AGBL4: variants seen among roughly 807,000 people sequenced by gnomAD.
The protein encoded by AGBL4 is cytosolic carboxypeptidase 6.
Under a neutral mutation model 66.4 loss-of-function variants are expected in AGBL4, and 58 were observed. The observed-to-expected ratio is 0.87, with a 90% CI of 0.71 to 1.09. The LOEUF is 1.09. Ranked by LOEUF, AGBL4 falls within the 50% of genes least tolerant of loss-of-function variation. AGBL4 has a pLI of 0.00. For synonymous variants in AGBL4, 234 were observed against 222.9 expected, an observed-to-expected ratio of 1.05 and a Z score of -0.44; for missense variants, 579 against 631.0, an observed-to-expected ratio of 0.92 and a Z score of 0.88.
intron 4 of AGBL4, among the ~76,000 whole-genome samples, chr1:49,169,706 C>T (rs1431120413): frequency 6.6e-6 from 1 of 152,140 alleles, no homozygotes; most frequent in East Asian, 1.9e-4. Context: ...CGGGCACCAT[C>T]TGCCTTACTA....
intron 4 of AGBL4, among the ~76,000 whole-genome samples, chr1:49,207,799 G>A (rs1648358860): frequency 6.6e-6 from 1 of 150,660 alleles, no homozygotes; most frequent in Non-Finnish European, 1.5e-5. Context: ...TGTTGCCCAG[G>A]CTAGTTTTAA....
At position 49,045,783 on chromosome 1, in the gene AGBL4, T is replaced by C; in HGVS notation, c.395A>G (p.Lys132Arg). 1.3e-6 allele frequency: 2 copies of C among 1,551,346 alleles called. No homozygotes were observed. Among genetic ancestry groups the C allele is most frequent in the South Asian group, 1.2e-5 (1 of 84,022 alleles). ...SRPKWQRLPP[K>R]NVYYYRCPDH... The stretch of plus-strand genomic sequence containing the variant: ...CGGGCAGCGGTAGTAGTAAACATTT[T>C]TGGGTGGCAGCCTTTGCCTAAAATA... Residue 132 changes from lysine (K) to arginine (R), a missense_variant, in exon 5 of 14, where the codon AAA becomes AGA. Transcript: ENST00000371839.
intron 6 of AGBL4, among the ~76,000 whole-genome samples, chr1:48,722,864 G>A (rs1647174150): frequency 6.6e-6 from 1 of 152,194 alleles, no homozygotes. Flanking sequence ...GAGCAACCAG[G>A]ATGGTCACAG....
chr1:49,933,039 T>G (rs1418958910), intron 1 of AGBL4, among the ~76,000 whole-genome samples: 1 of 152,104 alleles, frequency 6.6e-6, no homozygotes, highest in Non-Finnish European at 1.5e-5. Flanking sequence ...ACAAATCTTC[T>G]GAGGGAAATG....
At chr1:48,845,777 C>T (rs1266947401) in intron 6 of AGBL4, among the ~76,000 whole-genome samples, 2 of 152,200 alleles carry the variant, frequency 1.3e-5, no homozygotes, top group East Asian at 3.8e-4. Flanking sequence ...ACCTTTGCTA[C>T]AGGCCATGAA....
intron 5 of AGBL4, among the ~76,000 whole-genome samples, chr1:48,944,659 C>T (rs1422321657): frequency 2.0e-5 from 3 of 152,178 alleles, no homozygotes; most frequent in Non-Finnish European, 2.9e-5. Flanking sequence ...CTTCCTCAGC[C>T]TGTGTTTTCT....
intron 3 of AGBL4, among the ~76,000 whole-genome samples, chr1:49,303,500 T>C (rs1410921960): frequency 7.0e-6 from 1 of 142,180 alleles, no homozygotes; most frequent in African/African-American, 2.9e-5. Context: ...TCACCCAGGC[T>C]GGAGTGCAGT....
chr1:49,166,419 G>A (rs772662112), intron 4 of AGBL4, among the ~76,000 whole-genome samples: 25 of 152,062 alleles, frequency 1.6e-4, no homozygotes, highest in Non-Finnish European at 3.2e-4. Flanking sequence ...AAGTCTATCT[G>A]CCTACCTTTC....
chr1:48,858,462 G>A (rs575319039), intron 6 of AGBL4, among the ~76,000 whole-genome samples: 1 of 152,284 alleles, frequency 6.6e-6, no homozygotes, highest in South Asian at 2.1e-4. Context: ...AAAATAAATT[G>A]TGGTGTATCT....
At chr1:49,190,454 A>C (rs1383113104) in intron 4 of AGBL4, among the ~76,000 whole-genome samples, 4 of 152,162 alleles carry the variant, frequency 2.6e-5, no homozygotes, top group Non-Finnish European at 4.4e-5. Flanking sequence ...TTTGGAAATA[A>C]GTTATTGGTT....
intron 3 of AGBL4, among the ~76,000 whole-genome samples, chr1:49,297,987 G>A (rs909103478): frequency 5.9e-5 from 9 of 152,174 alleles, no homozygotes; most frequent in Non-Finnish European, 1.2e-4. Context: ...TTCCGGCCAG[G>A]AGGCTGCTGT....
intron 1 of AGBL4, among the ~76,000 whole-genome samples, chr1:49,903,390 T>A (rs375767735): frequency 1.3e-5 from 2 of 151,966 alleles, no homozygotes; most frequent in African/African-American, 4.8e-5. Flanking sequence ...TCAGAAAAAA[T>A]ACCTATTGGG....
At chr1:49,075,718 T>G (rs1338663561) in intron 4 of AGBL4, among the ~76,000 whole-genome samples, 2 of 152,218 alleles carry the variant, frequency 1.3e-5, no homozygotes, top group African/African-American at 4.8e-5. Flanking sequence ...CTGTGTTTCC[T>G]CAGGCAGGCT....
At chr1:49,622,769 C>T (rs955107183) in intron 3 of AGBL4, among the ~76,000 whole-genome samples, 1 of 151,584 alleles carries the variant, frequency 6.6e-6, no homozygotes, top group African/African-American at 2.4e-5. Flanking sequence ...TCAGAAAATG[C>T]GAGCCATCAT....
At chr1:49,177,681 T>C (rs1204091434) in intron 4 of AGBL4, among the ~76,000 whole-genome samples, 3 of 152,128 alleles carry the variant, frequency 2.0e-5, no homozygotes, top group East Asian at 3.9e-4. Flanking sequence ...ACTATTAAGA[T>C]TATTAAGGCC....
At chr1:48,863,949 T>TA (rs1409965493) in intron 6 of AGBL4, among the ~76,000 whole-genome samples, 3 of 151,902 alleles carry the variant, frequency 2.0e-5, no homozygotes, top group Admixed American at 1.3e-4. Flanking sequence ...TTCAACTACA[T>TA]AAAAAAATTT....
At chr1:49,371,737 C>T (rs1644349437) in intron 3 of AGBL4, among the ~76,000 whole-genome samples, 1 of 151,658 alleles carries the variant, frequency 6.6e-6, no homozygotes, top group Admixed American at 6.6e-5. Context: ...GACTGCAGAA[C>T]TTCGATTTCA....
rs554928769 is a variant in AGBL4, at chr1:49,308,797, GT to G, written c.283-62934del. Among the ~76,000 whole-genome samples, 280 of 152,254 alleles carry G rather than the reference GT, an allele frequency of 1.8e-3. 2 individuals are homozygous for G. Among genetic ancestry groups the G allele is most frequent in the African/African-American group, 6.4e-3 (265 of 41,558 alleles). ...ACAGCAAGTGATGCAAGAGGCTGAC[GT>G]TTAGACTAGCACAGGTGGGAGGCTA... is the stretch of plus-strand genomic sequence containing the variant. On this transcript the variant is annotated intron_variant, in intron 3 of 13. Transcript: ENST00000371839.
At chr1:49,280,999 C>T (rs71647734) in intron 3 of AGBL4, among the ~76,000 whole-genome samples, 13,988 of 152,040 alleles carry the variant, frequency 0.092, 885 homozygotes, top group East Asian at 0.31. Flanking sequence ...TTATTATTAC[C>T]GTATATATAA....
Sources: allele counts gnomAD v4.1 joint callset (sites outside exome capture counted in the v4.1 genomes callset), GRCh38; gene constraint gnomAD v4.1.1; transcripts MANE v1.5; gene names NCBI Gene and HGNC (gene_info 2026-07-23, HGNC 2026-07-21).